Variants in ANTXR1 observed in about 807,000 individuals in gnomAD.
ANTXR1 encodes anthrax toxin receptor 1.
Under a neutral mutation model 78.1 loss-of-function variants are expected in ANTXR1, and 19 were observed. That is an observed-to-expected ratio of 0.24 (90% CI 0.17 to 0.36). ANTXR1 has a LOEUF of 0.36. Ranked by LOEUF, ANTXR1 falls within the 10% of genes least tolerant of loss-of-function variation. The probability of loss-of-function intolerance (pLI) is 1.00; values close to 1 mark genes in which losing one functional copy is unlikely to be tolerated. For synonymous variants in ANTXR1, 273 were observed against 260.5 expected (o/e 1.05, Z -0.46); for missense variants, 518 against 718.6 (o/e 0.72, Z 3.19).
intron 16 of ANTXR1, among the ~76,000 whole-genome samples, chr2:69,188,944 T>C (rs1674488839): frequency 6.6e-6 from 1 of 152,216 alleles, no homozygotes. Context: ...TTCAGAAAAA[T>C]CAAGGTTCCA....
chr2:69,059,958 A>G (rs1389300211), intron 3 of ANTXR1, among the ~76,000 whole-genome samples: 1 of 152,224 alleles, frequency 6.6e-6, no homozygotes, highest in Non-Finnish European at 1.5e-5. Flanking sequence ...TGTGTGACCA[A>G]TGAAAATAGA....
chr2:69,124,099 T>G (rs1042626637), intron 11 of ANTXR1, among the ~76,000 whole-genome samples: 3 of 152,236 alleles, frequency 2.0e-5, no homozygotes, highest in Non-Finnish European at 2.9e-5. Context: ...TCTGCTTTAC[T>G]TCTGTGAGTC....
At chr2:69,138,763 TA>T (rs1201185424) in intron 12 of ANTXR1, among the ~76,000 whole-genome samples, 2 of 152,160 alleles carry the variant, frequency 1.3e-5, no homozygotes, top group Admixed American at 1.3e-4. Flanking sequence ...TTTAAAAAAA[TA>T]AAAAGCACTT....
chr2:69,022,429 T>A (rs75936435), intron 1 of ANTXR1, among the ~76,000 whole-genome samples: 2,777 of 152,306 alleles, frequency 0.018, 75 homozygotes, highest in African/African-American at 0.063. Flanking sequence ...TGGTACCACC[T>A]TGGTTGAGAA....
intron 12 of ANTXR1, among the ~76,000 whole-genome samples, chr2:69,141,753 T>G (rs1027122423): frequency 7.9e-5 from 12 of 152,252 alleles, no homozygotes; most frequent in African/African-American, 2.9e-4. Flanking sequence ...ATCATCCATC[T>G]GTCATGAATG....
At chr2:69,148,512 A>C (rs971416684) in intron 12 of ANTXR1, among the ~76,000 whole-genome samples, 13 of 152,172 alleles carry the variant, frequency 8.5e-5, no homozygotes, top group Non-Finnish European at 5.9e-5. Context: ...GGCTGTCAGC[A>C]AGTTTGTCCA....
Position 69,119,270 on chromosome 2 carries a change from C to T in ANTXR1, c.803-3747C>T, listed in dbSNP as rs57248344. Among the ~76,000 whole-genome samples, 1,004 of 152,310 alleles carry T rather than the reference C, an allele frequency of 6.6e-3. 11 individuals are homozygous for T. The highest frequency in any genetic ancestry group is 0.023 in the African/African-American group (961 of 41,576). On this transcript the variant is annotated intron_variant, in intron 10 of 17. Transcript: ENST00000303714. ...TCCCTGGCTGTGGCGCTGCAGTGCG[C>T]TGCCTCGGATGCTCTCCTCGGCGTG... is the stretch of plus-strand genomic sequence containing the variant.
chr2:69,170,609 T>G (rs1315307651), intron 14 of ANTXR1, among the ~76,000 whole-genome samples: 1 of 152,224 alleles, frequency 6.6e-6, no homozygotes, highest in Non-Finnish European at 1.5e-5. Flanking sequence ...ACTTTTCCTC[T>G]CAAACAAACC....
intron 16 of ANTXR1, chr2:69,183,081 A>C: frequency 4.8e-6 from 1 of 209,764 alleles, no homozygotes; most frequent in South Asian, 7.4e-5. Flanking sequence ...ATAAATTTCC[A>C]TAGCATCTCA....
At chr2:69,237,060 T>C (rs1009614313) in intron 17 of ANTXR1, among the ~76,000 whole-genome samples, 1 of 152,210 alleles carries the variant, frequency 6.6e-6, no homozygotes, top group African/African-American at 2.4e-5. Context: ...ATAAGTCATA[T>C]CTCAACATTA....
chr2:69,157,066 T>A (rs948911886), intron 13 of ANTXR1, among the ~76,000 whole-genome samples: 6 of 152,174 alleles, frequency 3.9e-5, no homozygotes, highest in Non-Finnish European at 8.8e-5. Context: ...CTGAGCACCA[T>A]TGCCATTATT....
chr2:69,084,136 G>A (rs749032285), intron 8 of ANTXR1, among the ~76,000 whole-genome samples: 2 of 152,178 alleles, frequency 1.3e-5, no homozygotes, highest in Non-Finnish European at 2.9e-5. Context: ...CACTATAAAA[G>A]CAACAGCAGA....
chr2:69,232,774 T>C (rs1675655094), intron 17 of ANTXR1, among the ~76,000 whole-genome samples: 1 of 152,012 alleles, frequency 6.6e-6, no homozygotes, highest in African/African-American at 2.4e-5. Context: ...AATCTATGAA[T>C]AAAAAACAAA....
At chr2:69,020,394 CTGTTT>C (rs57902226) in intron 1 of ANTXR1, among the ~76,000 whole-genome samples, 20,891 of 151,218 alleles carry the variant, frequency 0.14, 1,630 homozygotes, top group East Asian at 0.29. Context: ...TAAGGCAAAA[CTGTTT>C]TGTTTTGTTT....
chr2:69,233,291 G>C lies in ANTXR1; in HGVS notation c.1435-11934G>C, dbSNP rs1675672538. 2.6e-5 allele frequency among the ~76,000 whole-genome samples: 4 copies of C among 151,906 alleles called. No homozygotes were observed. In the South Asian group the frequency reaches 8.3e-4, roughly 31 times the overall value. ...TGTTTTGTGAAGTTAACATAATCTT[G>C]ATGAAAAGTAGCTCACAACAAAAGA... On this transcript the variant is annotated intron_variant, in intron 17 of 17. Transcript: ENST00000303714.
At chr2:69,240,367 A>G (rs998871108) in intron 17 of ANTXR1, among the ~76,000 whole-genome samples, 2 of 152,238 alleles carry the variant, frequency 1.3e-5, no homozygotes, top group African/African-American at 4.8e-5. Flanking sequence ...GGCAAATTAT[A>G]TTCCTCATTG....
At chr2:69,104,175 A>G (rs7565677) in intron 10 of ANTXR1, among the ~76,000 whole-genome samples, 139,327 of 152,174 alleles carry the variant, frequency 0.92, 63,942 homozygotes, top group East Asian at 0.98. Flanking sequence ...CTGACCTCAC[A>G]TGATCCACCC....
At chr2:69,226,155 C>A (rs1675446428) in intron 17 of ANTXR1, among the ~76,000 whole-genome samples, 1 of 152,192 alleles carries the variant, frequency 6.6e-6, no homozygotes, top group South Asian at 2.1e-4. Flanking sequence ...GTGGGCCAAA[C>A]CACGAGCACC....
At position 69,209,120 on chromosome 2, in the gene ANTXR1, C is replaced by T. The variant is rs73937206; in HGVS notation, c.1434+15705C>T. On this transcript the variant is annotated intron_variant, in intron 17 of 17. Transcript: ENST00000303714. ...CTCTACTGCTTCTTCCCTGCAACATCATCACAGAGAAGAACTTGCATCCTT... is the reference window on the plus strand; with the variant it reads ...CTCTACTGCTTCTTCCCTGCAACATTATCACAGAGAAGAACTTGCATCCTT... Among the ~76,000 whole-genome samples the T allele has an allele frequency of 7.5e-3, 1,141 of 152,332 alleles. 14 individuals are homozygous for T. The highest frequency in any genetic ancestry group is 0.026 in the African/African-American group (1,100 of 41,574).
Sources: allele counts gnomAD v4.1 joint callset (sites outside exome capture counted in the v4.1 genomes callset), GRCh38; gene constraint gnomAD v4.1.1; transcripts MANE v1.5; gene names NCBI Gene and HGNC (gene_info 2026-07-23, HGNC 2026-07-21).